The following STARD13 variants were observed in gnomAD, a reference collection of about 807,000 sequenced individuals.
The protein encoded by STARD13 is StAR related lipid transfer domain containing 13.
STARD13 carries 62 observed loss-of-function variants against 106.4 expected under a neutral mutation model. That is an observed-to-expected ratio of 0.58 (90% CI 0.48 to 0.72). The LOEUF (loss-of-function observed/expected upper bound fraction) is 0.72. Among genes scored for constraint, STARD13 ranks in the 30% least tolerant of loss-of-function variants. The probability of loss-of-function intolerance (pLI) is 0.00; values close to 1 mark genes in which losing one functional copy is unlikely to be tolerated. For synonymous variants in STARD13, 565 were observed against 553.0 expected (o/e 1.02, Z -0.31); for missense variants, 1,387 against 1,424.0 (o/e 0.97, Z 0.42).
chr13:33,660,045 A>G, the STARD13 span: 2 of 152,332 alleles, frequency 1.3e-5, no homozygotes, highest in Admixed American at 6.5e-5. Flanking sequence ...TGAAAAGTTG[A>G]GAGGTCCTCA....
chr13:33,315,012 T>C (rs953866235), intron 1 of STARD13, among the ~76,000 whole-genome samples: 5 of 152,202 alleles, frequency 3.3e-5, no homozygotes, highest in Non-Finnish European at 5.9e-5. Context: ...CACTTTTTCA[T>C]TGGAAGTTAT....
At chr13:33,143,408 A>ATT (rs57915196) in intron 3 of STARD13, among the ~76,000 whole-genome samples, 16,731 of 152,162 alleles carry the variant, frequency 0.11, 1,130 homozygotes, top group East Asian at 0.24. Context: ...CTGTTTTTTC[A>ATT]TTCAACACAA....
chr13:33,445,036 G>A, the STARD13 span, among the ~76,000 whole-genome samples: 5 of 152,226 alleles, frequency 3.3e-5, no homozygotes, highest in East Asian at 5.8e-4. Flanking sequence ...ACAGAACTGC[G>A]CTAAGTAACC....
At chr13:33,354,538 G>A (rs2078108361), upstream of STARD13, among the ~76,000 whole-genome samples, 1 of 152,186 alleles carries the variant, frequency 6.6e-6, no homozygotes, top group African/African-American at 2.4e-5. Context: ...GTTCCTCCAG[G>A]TAGGACTAGC....
chr13:33,200,272 ATCTAGCTCC>A (rs1453174985), intron 1 of STARD13, among the ~76,000 whole-genome samples: 1 of 152,162 alleles, frequency 6.6e-6, no homozygotes, highest in Admixed American at 6.5e-5. Flanking sequence ...TGTCATTCAC[ATCTAGCTCC>A]CCTAACCAGC....
chr13:33,484,321 A>G, the STARD13 span, among the ~76,000 whole-genome samples: 1 of 152,232 alleles, frequency 6.6e-6, no homozygotes, highest in African/African-American at 2.4e-5. Context: ...TAGTTAAATG[A>G]TTGCCAGCCA....
At chr13:33,114,468 T>A (rs905067515) in intron 8 of STARD13, among the ~76,000 whole-genome samples, 1 of 152,216 alleles carries the variant, frequency 6.6e-6, no homozygotes, top group South Asian at 2.1e-4. Flanking sequence ...ATGTCCATTG[T>A]GTACTGGCAC....
At chr13:33,467,850 T>C in the STARD13 span, among the ~76,000 whole-genome samples, 7 of 152,180 alleles carry the variant, frequency 4.6e-5, no homozygotes, top group African/African-American at 1.7e-4. Context: ...TTTGTTTGAA[T>C]TGCTGTTCAA....
the STARD13 span, chr13:33,439,767 C>T: frequency 9.7e-7 from 1 of 1,031,202 alleles, no homozygotes; most frequent in Non-Finnish European, 1.3e-6. Flanking sequence ...AAAATTATAC[C>T]ACTTTTGTGA....
chr13:33,272,771 T>C (rs1891226286), intron 1 of STARD13: 1 of 152,192 alleles, frequency 6.6e-6, no homozygotes, highest in African/African-American at 2.4e-5. Context: ...GAAGCTACAG[T>C]GTCCAGGGCC....
the STARD13 span, among the ~76,000 whole-genome samples, chr13:33,504,720 C>T: frequency 1.3e-5 from 2 of 152,016 alleles, no homozygotes; most frequent in African/African-American, 2.4e-5. Flanking sequence ...AAACCTGGCA[C>T]GTTGTGCACA....
the STARD13 span, among the ~76,000 whole-genome samples, chr13:33,484,947 C>T: frequency 6.6e-6 from 1 of 152,194 alleles, no homozygotes; most frequent in African/African-American, 2.4e-5. Flanking sequence ...GGAGACACTT[C>T]ATCCAACCAT....
At chr13:33,597,684 A>T in the STARD13 span, among the ~76,000 whole-genome samples, 1 of 131,672 alleles carries the variant, frequency 7.6e-6, no homozygotes, top group East Asian at 2.3e-4. Flanking sequence ...CATCTCTACT[A>T]AAAAAAAAAA....
chr13:33,204,972 T>C (rs1887311498), intron 1 of STARD13, among the ~76,000 whole-genome samples: 1 of 152,238 alleles, frequency 6.6e-6, no homozygotes, highest in South Asian at 2.1e-4. Context: ...AATTGACTTT[T>C]TCCAATAAAG....
the STARD13 span, among the ~76,000 whole-genome samples, chr13:33,422,965 A>G: frequency 4.2e-3 from 644 of 152,314 alleles, 6 homozygotes; most frequent in African/African-American, 0.015. Context: ...TAAAGTCTTA[A>G]ATGTTAGACC....
At chr13:33,444,290 C>A in the STARD13 span, among the ~76,000 whole-genome samples, 3 of 152,162 alleles carry the variant, frequency 2.0e-5, no homozygotes, top group Admixed American at 2.0e-4. Context: ...AACTCTAGAA[C>A]TGTAAGAATT....
At chr13:33,474,970 T>A in the STARD13 span, among the ~76,000 whole-genome samples, 2 of 152,310 alleles carry the variant, frequency 1.3e-5, no homozygotes, top group South Asian at 4.1e-4. Context: ...GCTTAATATC[T>A]CAGTTTTCAG....
At chr13:33,597,839 A>G in the STARD13 span, among the ~76,000 whole-genome samples, 1 of 151,548 alleles carries the variant, frequency 6.6e-6, no homozygotes, top group Non-Finnish European at 1.5e-5. Context: ...GGGCAACAAG[A>G]GTGAAACTCC....
the STARD13 span, among the ~76,000 whole-genome samples, chr13:33,535,608 G>T: frequency 3.3e-5 from 5 of 152,038 alleles, no homozygotes; most frequent in Non-Finnish European, 7.4e-5. Context: ...TATAACAAAG[G>T]CCTGCTCCAA....
Sources: gnomAD v4.1 joint callset for allele counts (sites outside exome capture counted in the v4.1 genomes callset) on GRCh38, gnomAD v4.1.1 for gene constraint, MANE v1.5 for transcripts, NCBI Gene and HGNC (gene_info 2026-07-23, HGNC 2026-07-21) for gene names.